DAB1: variants seen among roughly 807,000 people sequenced by gnomAD.
The protein encoded by DAB1 is DAB adaptor protein 1.
DAB1 carries 15 observed loss-of-function variants against 64.6 expected under a neutral mutation model. The ratio of observed to expected loss-of-function variants is 0.23; its 90% CI spans 0.16 to 0.36. The LOEUF is 0.36. Among genes scored for constraint, DAB1 ranks in the 10% least tolerant of loss-of-function variants. DAB1 has a pLI of 1.00. For synonymous variants in DAB1, 235 were observed against 251.9 expected, an observed-to-expected ratio of 0.93 and a Z score of 0.64; for missense variants, 596 against 706.7, an observed-to-expected ratio of 0.84 and a Z score of 1.78.
chr1:57,017,836 T>C (rs980483757), intron 11 of DAB1, among the ~76,000 whole-genome samples: 2 of 152,134 alleles, frequency 1.3e-5, no homozygotes, highest in Non-Finnish European at 2.9e-5. Flanking sequence ...TACCAACAGA[T>C]GAAGAATCCG....
At chr1:58,505,371 G>A (rs1280262951) in intron 3 of DAB1, among the ~76,000 whole-genome samples, 2 of 152,204 alleles carry the variant, frequency 1.3e-5, no homozygotes, top group Admixed American at 6.5e-5. Context: ...AGATAGAAGA[G>A]AGCGTGTAAC....
At chr1:58,283,267 A>G (rs1661608008) in intron 4 of DAB1, among the ~76,000 whole-genome samples, 1 of 152,142 alleles carries the variant, frequency 6.6e-6, no homozygotes. Context: ...TGTATTTCAT[A>G]AGTATCTTCT....
chr1:57,200,280 T>C (rs773182577), intron 2 of DAB1, among the ~76,000 whole-genome samples: 5 of 152,348 alleles, frequency 3.3e-5, no homozygotes, highest in Non-Finnish European at 5.9e-5. Flanking sequence ...TCACTCAACA[T>C]TGATTTACTG....
chr1:57,012,586 T>C (rs763360941), intron 12 of DAB1, among the ~76,000 whole-genome samples: 1 of 152,196 alleles, frequency 6.6e-6, no homozygotes, highest in Non-Finnish European at 1.5e-5. Context: ...GGGATACTGA[T>C]GGGTCAGAGG....
intron 3 of DAB1, among the ~76,000 whole-genome samples, chr1:58,364,037 AC>A (rs1190599549): frequency 6.6e-6 from 1 of 152,192 alleles, no homozygotes; most frequent in Non-Finnish European, 1.5e-5. Context: ...TCACTTTATG[AC>A]CCAGGCAGAC....
intron 4 of DAB1, among the ~76,000 whole-genome samples, chr1:58,275,661 AAAAC>A (rs1661426535): frequency 6.6e-6 from 1 of 152,210 alleles, no homozygotes; most frequent in Non-Finnish European, 1.5e-5. Flanking sequence ...AACAAAAAAT[AAAAC>A]AAATTTAAAA....
intron 1 of DAB1, among the ~76,000 whole-genome samples, chr1:57,313,300 G>C (rs543918072): frequency 6.6e-6 from 1 of 152,220 alleles, no homozygotes; most frequent in South Asian, 2.1e-4. Flanking sequence ...GCCCTAGCCT[G>C]GTCCCCACAA....
chr1:57,965,797 G>A (rs1340127636), intron 5 of DAB1, among the ~76,000 whole-genome samples: 1 of 152,140 alleles, frequency 6.6e-6, no homozygotes, highest in Non-Finnish European at 1.5e-5. Context: ...AGGTAGACAG[G>A]TAAATGGAGA....
intron 1 of DAB1, among the ~76,000 whole-genome samples, chr1:57,413,002 T>C (rs560308341): frequency 6.6e-6 from 1 of 152,288 alleles, no homozygotes; most frequent in South Asian, 2.1e-4. Flanking sequence ...ACTGACTCTA[T>C]CGTTAGGGGT....
chr1:57,349,271 G>A (rs1194682658), intron 1 of DAB1, among the ~76,000 whole-genome samples: 2 of 152,102 alleles, frequency 1.3e-5, no homozygotes, highest in African/African-American at 2.4e-5. Flanking sequence ...AAACCATCAG[G>A]CACTGGTAGT....
intron 3 of DAB1, among the ~76,000 whole-genome samples, chr1:58,359,500 A>T (rs115925226): frequency 2.7e-4 from 41 of 152,298 alleles, no homozygotes; most frequent in African/African-American, 9.6e-4. Context: ...TCATTCTGGA[A>T]CATGAAGACC....
intron 6 of DAB1, among the ~76,000 whole-genome samples, chr1:57,651,092 T>C (rs1646250548): frequency 6.6e-6 from 1 of 152,018 alleles, no homozygotes; most frequent in Admixed American, 6.6e-5. Flanking sequence ...TCCATTTGGA[T>C]TCATAAAAGA....
In DAB1 at chr1:57,630,321, G is replaced by A. The variant is rs1329616931; in HGVS notation, n.625+19271C>T. Among the ~76,000 whole-genome samples, 8 of 152,200 alleles carry A rather than the reference G, an allele frequency of 5.3e-5. No individual in the cohort carries two copies. In the South Asian group the frequency reaches 6.2e-4, roughly 12 times the overall value. On this transcript the variant is annotated intron_variant and non_coding_transcript_variant, in intron 7 of 20. Coordinates refer to the DAB1 transcript ENST00000485760. Reference sequence around the variant, plus strand: ...TGCAAATTTTAAAACTCCTCATGTCGATTATTTTTAAGAATGATGAAAAAA... The same window carrying A: ...TGCAAATTTTAAAACTCCTCATGTCAATTATTTTTAAGAATGATGAAAAAA...
chr1:57,076,550 G>A (rs1243156830), intron 4 of DAB1, among the ~76,000 whole-genome samples: 2 of 152,160 alleles, frequency 1.3e-5, no homozygotes, highest in Admixed American at 1.3e-4. Flanking sequence ...ACCTTCCTAT[G>A]CATGAACTTC....
At chr1:58,413,291 TTCA>T (rs1644687424) in intron 3 of DAB1, among the ~76,000 whole-genome samples, 1 of 152,202 alleles carries the variant, frequency 6.6e-6, no homozygotes, top group Non-Finnish European at 1.5e-5. Flanking sequence ...AGGGCTTAAA[TTCA>T]GCAGGCACCA....
intron 6 of DAB1, among the ~76,000 whole-genome samples, chr1:57,796,647 TGTGG>T (rs1489296706): frequency 1.3e-4 from 19 of 142,630 alleles, no homozygotes; most frequent in Non-Finnish European, 2.9e-4. Flanking sequence ...AGGCAGAGGC[TGTGG>T]CTGACACCCA....
intron 6 of DAB1, 158 bp from the exon 7 acceptor site, chr1:57,071,219 C>G: frequency 1.4e-6 from 1 of 715,480 alleles, no homozygotes; most frequent in African/African-American, 1.8e-5. Flanking sequence ...AGTCAAAATC[C>G]TTAGAGCCAC....
At chr1:57,241,953 A>G (rs1261628317) in intron 2 of DAB1, among the ~76,000 whole-genome samples, 2 of 152,232 alleles carry the variant, frequency 1.3e-5, no homozygotes, top group Non-Finnish European at 2.9e-5. Context: ...CAGTGACTTC[A>G]GTCACAGTCA....
chr1:57,650,426 T>C (rs890944847), intron 6 of DAB1, among the ~76,000 whole-genome samples: 3 of 150,836 alleles, frequency 2.0e-5, no homozygotes, highest in African/African-American at 4.9e-5. Context: ...ATATTCATCA[T>C]AGGGTTATTT....
Sources: gnomAD v4.1 joint callset for allele counts (sites outside exome capture counted in the v4.1 genomes callset) on GRCh38, gnomAD v4.1.1 for gene constraint, MANE v1.5 for transcripts, NCBI Gene and HGNC (gene_info 2026-07-23, HGNC 2026-07-21) for gene names.